MAP1B: variants seen among roughly 807,000 people sequenced by gnomAD.
The protein encoded by MAP1B is microtubule associated protein 1B, also known as microtubule-associated protein 1B.
A neutral mutation model predicts 176.1 loss-of-function variants in MAP1B; 12 were observed. The observed-to-expected ratio is 0.07, with a 90% CI of 0.04 to 0.11. MAP1B has a LOEUF of 0.11. Among genes scored for constraint, MAP1B ranks in the 10% least tolerant of loss-of-function variants. MAP1B has a pLI of 1.00. For missense variants in MAP1B, 2,523 were observed against 2,990.5 expected, an observed-to-expected ratio of 0.84 and a Z score of 3.65; for synonymous variants, 1,044 against 1,135.0, an observed-to-expected ratio of 0.92 and a Z score of 1.61.
chr5:72,151,617 TG>T (rs1427906267), intron 2 of MAP1B, among the ~76,000 whole-genome samples: 1 of 152,248 alleles, frequency 6.6e-6, no homozygotes, highest in Non-Finnish European at 1.5e-5. Flanking sequence ...TCTTCATTTG[TG>T]GCATCCATAT....
rs1173984496 is a variant in MAP1B at position 72,206,314 on chromosome 5, G to A, written c.*1075G>A. 2.6e-5 allele frequency: 4 copies of A among 152,622 alleles called. No individual in the cohort carries two copies. In the East Asian group the frequency reaches 7.7e-4, roughly 29 times the overall value. 9.5% of individuals were successfully genotyped at this position (152,622 alleles called of 1,614,324 possible). A position where few individuals can be genotyped will look rare whatever the true frequency, so the allele number is the denominator to read the frequency against. On this transcript the variant is annotated 3_prime_UTR_variant, in exon 7 of 7. Transcript: ENST00000296755. ...TGGGTGAGCGTGTGTGGGGGTACTA[G>A]AAGCTGATCTGATTGGTCCAACAGT... is the stretch of plus-strand genomic sequence containing the variant.
chr5:72,140,912 A>G (rs1407253797), intron 2 of MAP1B, among the ~76,000 whole-genome samples: 1 of 152,164 alleles, frequency 6.6e-6, no homozygotes, highest in African/African-American at 2.4e-5. Flanking sequence ...GAATCAAAGG[A>G]TCACCGCCCA....
In MAP1B at chr5:72,193,850, T is replaced by C; in HGVS notation, c.511-16T>C. 2 of 1,556,702 alleles carry C rather than the reference T, an allele frequency of 1.3e-6. No individual in the cohort carries two copies. Among genetic ancestry groups the C allele is most frequent in the Non-Finnish European group, 1.7e-6 (2 of 1,158,218 alleles). On this transcript the variant is annotated splice_polypyrimidine_tract_variant and intron_variant, in intron 4 of 6. Coordinates refer to ENST00000296755, the MANE Select transcript of MAP1B (RefSeq NM_005909.5). The stretch of plus-strand genomic sequence containing the variant: ...CTTACACCTTTTCTTTCTTTCTTTC[T>C]TTCTTTAAAACCCAGATCGGGGAGT...
chr5:72,130,517 T>C (rs1161026263), intron 2 of MAP1B, among the ~76,000 whole-genome samples: 1 of 152,240 alleles, frequency 6.6e-6, no homozygotes, highest in African/African-American at 2.4e-5. Flanking sequence ...ATCTCACATC[T>C]TTTATTAATT....
intron 2 of MAP1B, among the ~76,000 whole-genome samples, chr5:72,181,533 G>C (rs1270033349): frequency 3.3e-5 from 5 of 151,986 alleles, no homozygotes; most frequent in African/African-American, 1.2e-4. Context: ...ACATTCACAA[G>C]GTTGTACAAC....
chr5:72,189,694 T>TAA (rs759670082), intron 4 of MAP1B, among the ~76,000 whole-genome samples: 2 of 140,168 alleles, frequency 1.4e-5, no homozygotes, highest in Non-Finnish European at 3.1e-5. Context: ...TTCTGTCTCT[T>TAA]AAAAAAAAAA....
rs1231076989 is a variant in MAP1B at position 72,199,204 on chromosome 5, C to T, written c.5849C>T (p.Pro1950Leu). ...YEIIEKTTRT[P>L]EEGGYSYDIS... ...ATTATTGAGAAGACCACACGGACCCCTGAAGAGGGTGGGTACTCATATGAC... is the reference window on the plus strand; with the variant it reads ...ATTATTGAGAAGACCACACGGACCCTTGAAGAGGGTGGGTACTCATATGAC... Residue 1950 changes from proline (P) to leucine (L), a missense_variant, in exon 5 of 7, where the codon CCT (proline) becomes CTT (leucine). By Grantham distance (98) the Pro-to-Leu change is moderately conservative. Coordinates refer to ENST00000296755, the MANE Select transcript of MAP1B (RefSeq NM_005909.5). The surrounding 1 kb of genome is among the most constrained non-coding windows in gnomAD (Gnocchi z 4.2). 1 of 1,614,028 alleles carries T rather than the reference C, an allele frequency of 6.2e-7. No individual in the cohort carries two copies. The highest frequency in any genetic ancestry group is 1.7e-5 in the Admixed American group (1 of 60,008).
chr5:72,175,311 T>C (rs1176529103), intron 2 of MAP1B, among the ~76,000 whole-genome samples: 1 of 152,192 alleles, frequency 6.6e-6, no homozygotes, highest in Non-Finnish European at 1.5e-5. Flanking sequence ...TGGAGTTGGC[T>C]CACCTGACAG....
Position 72,205,352 on chromosome 5 carries a change from C to A in MAP1B, c.*113C>A. ...TCTAGTTAAGTCGCTGAACAATTACCTGCCAAATGCTATACTGTGTCATGG... is the reference window on the plus strand; with the variant it reads ...TCTAGTTAAGTCGCTGAACAATTACATGCCAAATGCTATACTGTGTCATGG... On this transcript the variant is annotated 3_prime_UTR_variant, in exon 7 of 7. Transcript: ENST00000296755. The A allele has an allele frequency of 9.7e-7, 1 of 1,035,354 alleles. No individual in the cohort carries two copies. The highest frequency in any genetic ancestry group is 1.4e-6 in the Non-Finnish European group (1 of 703,004). The allele number at this position is 1,035,354 out of a possible 1,614,324, so 64.1% of individuals were successfully genotyped here.
At chr5:72,118,353 T>C (rs534583687) in intron 2 of MAP1B, among the ~76,000 whole-genome samples, 126 of 150,744 alleles carry the variant, frequency 8.4e-4, no homozygotes, top group Non-Finnish European at 2.9e-5. Context: ...AGGAGCAAGA[T>C]GAAGGATGGA....
In MAP1B at chr5:72,196,890, G is replaced by C; in HGVS notation, c.3535G>C (p.Asp1179His). The C allele has an allele frequency of 6.2e-7, 1 of 1,614,208 alleles. No homozygotes were observed. The highest frequency in any genetic ancestry group is 8.5e-7 in the Non-Finnish European group (1 of 1,180,044). Reference sequence around the variant, plus strand: ...TTCTCAGGAATACTCTAAACCTGCTGATGTTACACCGCTCAACGGATTTTC... The same window carrying C: ...TTCTCAGGAATACTCTAAACCTGCTCATGTTACACCGCTCAACGGATTTTC... ...LYSQEYSKPA[D>H]VTPLNGFSEG... The change falls in exon 5 of 7, where the codon GAT becomes CAT. Residue 1179 changes from aspartate to histidine, a missense_variant. By Grantham distance (81) the Asp-to-His change is moderately conservative. This residue lies in a region of MAP1B where 1,925 missense variants were observed against 2,126.0 expected (regional missense o/e 0.91). Transcript: ENST00000296755. This position sits in a 1 kb window ranked among gnomAD's most constrained non-coding sequence, Gnocchi z 5.3.
intron 1 of MAP1B, among the ~76,000 whole-genome samples, chr5:72,108,690 C>CA (rs1407652014): frequency 1.3e-5 from 2 of 152,124 alleles, no homozygotes; most frequent in Non-Finnish European, 2.9e-5. Flanking sequence ...CCTGCCCCCC[C>CA]ACACTGCGGC....
chr5:72,149,733 GA>G (rs1400998034), intron 2 of MAP1B, among the ~76,000 whole-genome samples: 1 of 152,214 alleles, frequency 6.6e-6, no homozygotes, highest in African/African-American at 2.4e-5. Flanking sequence ...ATGGGACGGG[GA>G]TGAGGGCAGG....
intron 2 of MAP1B, among the ~76,000 whole-genome samples, chr5:72,126,039 G>A (rs1285323997): frequency 1.3e-5 from 2 of 152,204 alleles, no homozygotes; most frequent in Non-Finnish European, 2.9e-5. Flanking sequence ...ATGTTTTAAG[G>A]AAATAAATGT....
chr5:72,134,931 G>T (rs1334039907), intron 2 of MAP1B, among the ~76,000 whole-genome samples: 4 of 148,172 alleles, frequency 2.7e-5, no homozygotes, highest in African/African-American at 1.0e-4. Flanking sequence ...TATGTCTCAG[G>T]GTAAGGCTCT....
intron 2 of MAP1B, among the ~76,000 whole-genome samples, chr5:72,126,477 C>A (rs759525605): frequency 6.6e-6 from 1 of 152,190 alleles, no homozygotes; most frequent in East Asian, 1.9e-4. Context: ...TTTTGTCTAA[C>A]CATACATTTC....
Position 72,194,044 on chromosome 5 carries a change from C to T in MAP1B, c.689C>T (p.Thr230Ile). Residue 230 changes from threonine to isoleucine, a missense_variant, in exon 5 of 7, where the codon ACC becomes ATC. Thr to Ile is a moderately conservative substitution (Grantham distance 89, BLOSUM62 -1). This residue lies in a region of MAP1B where 307 missense variants were observed against 438.4 expected (regional missense o/e 0.70). Coordinates refer to ENST00000296755, the MANE Select transcript of MAP1B (RefSeq NM_005909.5). The surrounding 1 kb of genome is among the most constrained non-coding windows in gnomAD (Gnocchi z 7.2). ...LPEMEGLSEFTEYLSESVEVP... is the reference protein window; with the variant it reads ...LPEMEGLSEFIEYLSESVEVP... ...GAAATGGAAGGACTTTCTGAGTTTA[C>T]CGAGTATCTCTCAGAATCAGTGGAA... The T allele has an allele frequency of 6.2e-7, 1 of 1,614,136 alleles. No individual in the cohort carries two copies. Among genetic ancestry groups the T allele is most frequent in the Non-Finnish European group, 8.5e-7 (1 of 1,179,994 alleles).
chr5:72,181,785 A>G (rs1397482556), intron 2 of MAP1B, among the ~76,000 whole-genome samples: 1 of 149,208 alleles, frequency 6.7e-6, no homozygotes, highest in African/African-American at 2.5e-5. Flanking sequence ...GCAATAGTGC[A>G]ATCTCGGCTC....
At chr5:72,179,723 C>T (rs1016449907) in intron 2 of MAP1B, 15 of 985,352 alleles carry the variant, frequency 1.5e-5, no homozygotes, top group Non-Finnish European at 1.6e-5. Context: ...TCTCTCTCTC[C>T]CTTTAAATCC....
Sources: gnomAD v4.1 joint callset for allele counts (sites outside exome capture counted in the v4.1 genomes callset) on GRCh38, gnomAD v4.1.1 for gene constraint, gnomAD v4.1.1 regional missense constraint, Gnocchi (gnomAD v3.1) non-coding constraint, MANE v1.5 for transcripts, NCBI Gene and HGNC (gene_info 2026-07-23, HGNC 2026-07-21) for gene names.